DFFA: variants seen among roughly 807,000 people sequenced by gnomAD.
DFFA encodes DFF45.
In DFFA, 14 loss-of-function variants were observed where a neutral mutation model predicts 28.0. The ratio of observed to expected loss-of-function variants is 0.50; its 90% CI spans 0.33 to 0.78. The LOEUF (loss-of-function observed/expected upper bound fraction) is 0.78. DFFA is among the 30% of genes least tolerant of loss of function. The pLI, the probability that DFFA is intolerant of heterozygous loss-of-function variation, is 0.02. For synonymous variants in DFFA, 158 were observed against 170.3 expected (o/e 0.93, Z 0.56); for missense variants, 395 against 407.1 (o/e 0.97, Z 0.26).
chr1:10,462,390 C>G, intron 5 of DFFA: 1 of 984,588 alleles, frequency 1.0e-6, no homozygotes, highest in Non-Finnish European at 1.2e-6. Flanking sequence ...CCTCGGCCTC[C>G]CAAAGTACTG....
intron 1 of DFFA, among the ~76,000 whole-genome samples, chr1:10,469,902 C>G (rs984898553): frequency 6.6e-6 from 1 of 150,974 alleles, no homozygotes; most frequent in Non-Finnish European, 1.5e-5. Flanking sequence ...CAGCAACCTC[C>G]GCCTCCCGGG....
rs905582800 is a variant in DFFA, at chr1:10,472,076, G to A, written c.136+247C>T. 1.3e-5 allele frequency among the ~76,000 whole-genome samples: 2 copies of A among 152,118 alleles called. No homozygotes were observed. The highest frequency in any genetic ancestry group is 4.1e-4 in the South Asian group (2 of 4,832). On this transcript the variant is annotated intron_variant, in intron 1 of 5. Coordinates refer to ENST00000377038, the MANE Select transcript of DFFA (RefSeq NM_004401.3). This position sits in a 1 kb window ranked among gnomAD's most constrained non-coding sequence, Gnocchi z 5.0. ...ATTTCAGGCAAGAGACCTAAGCCGAGTCTGGCTTAATTTGCACATTGCTTC... is the reference window on the plus strand; with the variant it reads ...ATTTCAGGCAAGAGACCTAAGCCGAATCTGGCTTAATTTGCACATTGCTTC...
rs1640905768 is a variant in DFFA at position 10,460,095 on chromosome 1, A to AT, written c.*1394dup. The AT allele has an allele frequency of 6.6e-6, 1 of 151,550 alleles. No homozygotes were observed. The highest frequency in any genetic ancestry group is 6.6e-5 in the Admixed American group (1 of 15,198). 9.4% of individuals were successfully genotyped at this position (151,550 alleles called of 1,614,324 possible). On this transcript the variant is annotated 3_prime_UTR_variant, in exon 6 of 6. Coordinates refer to ENST00000377038, the MANE Select transcript of DFFA (RefSeq NM_004401.3). ...CCCTGTCTCTACTAAAAATACAAAA[A>AT]TTAGCCGGGCATGGTGGCACGTGCC... is the stretch of plus-strand genomic sequence containing the variant.
chr1:10,470,422 CTTTTTT>C (rs59658414), intron 1 of DFFA, among the ~76,000 whole-genome samples: 3 of 107,300 alleles, frequency 2.8e-5, no homozygotes, highest in Non-Finnish European at 3.8e-5. Context: ...CAGTTTTCCT[CTTTTTT>C]TTTTTTTTTT....
At position 10,472,244 on chromosome 1, in the gene DFFA, C is replaced by A; in HGVS notation, c.136+79G>T. 1 of 1,492,630 alleles carries A rather than the reference C, an allele frequency of 6.7e-7. No individual in the cohort carries two copies. The highest frequency in any genetic ancestry group is 9.0e-7 in the Non-Finnish European group (1 of 1,116,726). The allele number at this position is 1,492,630 out of a possible 1,614,324, so 92.5% of individuals were successfully genotyped here. ...TACAAGAATCCCCAAGTCGCCTCTC[C>A]TGACCCCGCCTCGCCCCCGCCGGAC... On this transcript the variant is annotated intron_variant, in intron 1 of 5. Coordinates refer to ENST00000377038, the MANE Select transcript of DFFA (RefSeq NM_004401.3). This position sits in a 1 kb window ranked among gnomAD's most constrained non-coding sequence, Gnocchi z 5.0.
rs756698486 is a variant in DFFA, at chr1:10,461,529, G to A, written c.957C>T (p.Asp319=). The A allele has an allele frequency of 3.1e-6, 5 of 1,613,938 alleles. No individual in the cohort carries two copies. In the Admixed American group the frequency reaches 6.7e-5, roughly 22 times the overall value. ...GTCTGGCTCGCTTAGGATTCTGCAGGTCACCAGGTGGTGAGGCCTTGCTTG... is the reference window on the plus strand; with the variant it reads ...GTCTGGCTCGCTTAGGATTCTGCAGATCACCAGGTGGTGAGGCCTTGCTTG... The part of the protein sequence containing the change: ...ISASKASPPG[D]LQNPKRARQD... Residue 319 remains aspartate (D), a synonymous_variant, in exon 6 of 6, where the codon GAC becomes GAT. Coordinates refer to ENST00000377038, the MANE Select transcript of DFFA (RefSeq NM_004401.3).
chr1:10,461,300 G>A lies in DFFA; in HGVS notation c.*190C>T. ...GCAGCTATATCATTCAAAATTGGCA[G>A]AAGTCCTGAAGCTGGTGGGGCTAAA... On this transcript the variant is annotated 3_prime_UTR_variant, in exon 6 of 6. Transcript: ENST00000377038. 1 of 795,854 alleles carries A rather than the reference G, an allele frequency of 1.3e-6. No individual in the cohort carries two copies. The highest frequency in any genetic ancestry group is 2.7e-5 in the East Asian group (1 of 36,370). 49.3% of individuals were successfully genotyped at this position (795,854 alleles called of 1,614,324 possible).
At chr1:10,467,138 C>T (rs779973233) in intron 3 of DFFA, 52 bp downstream of exon 3, 14 of 1,604,864 alleles carry the variant, frequency 8.7e-6, no homozygotes, top group Admixed American at 5.0e-5. Context: ...GGTGCTGGGG[C>T]GGGGGGCAGA....
At chr1:10,462,596 C>A in intron 5 of DFFA, 1 of 1,004,198 alleles carries the variant, frequency 1.0e-6, no homozygotes, top group Non-Finnish European at 1.2e-6. Context: ...GGGACAAGGA[C>A]AATGAATCAG....
At chr1:10,471,511 T>A (rs1211254550) in intron 1 of DFFA, among the ~76,000 whole-genome samples, 2 of 152,186 alleles carry the variant, frequency 1.3e-5, no homozygotes, top group African/African-American at 4.8e-5. Context: ...GCTTTGGCTG[T>A]TCATGGGTCT....
intron 2 of DFFA, among the ~76,000 whole-genome samples, chr1:10,467,956 A>G (rs181137931): frequency 2.4e-4 from 36 of 152,190 alleles, no homozygotes; most frequent in Non-Finnish European, 4.0e-4. Context: ...CCTGTTTTTT[A>G]TACGAAAACG....
rs776863082 is a variant in DFFA, at chr1:10,461,711, AG to A, written c.784-10del. On this transcript the variant is annotated splice_polypyrimidine_tract_variant and intron_variant, in intron 5 of 5. Coordinates refer to ENST00000377038, the MANE Select transcript of DFFA (RefSeq NM_004401.3). ...TCTTCCTTGGTAACCAACTGCAGCA[AG>A]AATAAAAACCCCTGAGAACTGGGCC... 4 of 1,614,014 alleles carry A rather than the reference AG, an allele frequency of 2.5e-6. No homozygotes were observed. The South Asian group carries it at 4.4e-5, about 18-fold the overall frequency.
Position 10,460,199 on chromosome 1 carries a change from T to A in DFFA, c.*1291A>T, listed in dbSNP as rs1002168293. ...GGTGGGGGTTGCAGTGAGCCGAGAA[T>A]GTGCCACTGCACTCCAGACTAGGTG... On this transcript the variant is annotated 3_prime_UTR_variant, in exon 6 of 6. Transcript: ENST00000377038. 1 of 151,196 alleles carries A rather than the reference T, an allele frequency of 6.6e-6. No individual in the cohort carries two copies. Among genetic ancestry groups the A allele is most frequent in the East Asian group, 2.0e-4 (1 of 4,942 alleles). The allele number at this position is 151,196 out of a possible 1,614,324, so 9.4% of individuals were successfully genotyped here.
chr1:10,461,361 G>GA lies in DFFA; in HGVS notation c.*128dup. ...GTGGAACGGCGTATGTTGAGACCTG[G>GA]AATAGCTTCTCTGGAAGGTGCTCTA... On this transcript the variant is annotated 3_prime_UTR_variant, in exon 6 of 6. Coordinates refer to ENST00000377038, the MANE Select transcript of DFFA (RefSeq NM_004401.3). 7.0e-7 allele frequency: 1 copy of GA among 1,428,738 alleles called. No individual in the cohort carries two copies. The highest frequency in any genetic ancestry group is 9.2e-7 in the Non-Finnish European group (1 of 1,086,164). 88.5% of individuals were successfully genotyped at this position (1,428,738 alleles called of 1,614,324 possible).
In DFFA at chr1:10,472,365, G is replaced by A. The variant is rs745906249; in HGVS notation, c.94C>T (p.His32Tyr). The change falls in exon 1 of 6, where the codon CAC (histidine) becomes TAC (tyrosine). Residue 32 changes from histidine (H) to tyrosine (Y), a missense_variant. Coordinates refer to ENST00000377038, the MANE Select transcript of DFFA (RefSeq NM_004401.3). This position sits in a 1 kb window ranked among gnomAD's most constrained non-coding sequence, Gnocchi z 5.0. The stretch of plus-strand genomic sequence containing the variant: ...TCGAGGCAGGAGGCGGCCACGCCGT[G>A]CTGTTCGCGGCTGTAGTTGCGGCGC... ...LLRRNYSREQ[H>Y]GVAASCLEDL... The A allele has an allele frequency of 2.1e-5, 34 of 1,610,688 alleles. No homozygotes were observed. Among genetic ancestry groups the A allele is most frequent in the Admixed American group, 5.0e-5 (3 of 59,728 alleles).
chr1:10,471,942 G>A (rs1641104053), intron 1 of DFFA, among the ~76,000 whole-genome samples: 1 of 152,126 alleles, frequency 6.6e-6, no homozygotes, highest in South Asian at 2.1e-4. Flanking sequence ...AGCGGACGGT[G>A]GAAACCCCTC....
rs374995148 is a variant in DFFA at position 10,470,348 on chromosome 1, A to G, written c.137-1010T>C. On this transcript the variant is annotated intron_variant, in intron 1 of 5. Transcript: ENST00000377038. The stretch of plus-strand genomic sequence containing the variant: ...TGGTAGGCATTTGAGTTTTTACTGG[A>G]GTGAACAACCAATCAAAGTCTAGTT... Among the ~76,000 whole-genome samples, 8 of 151,674 alleles carry G rather than the reference A, an allele frequency of 5.3e-5. No individual in the cohort carries two copies. In the East Asian group the frequency reaches 1.6e-3, roughly 30 times the overall value.
chr1:10,464,469 C>T (rs1424752948), intron 3 of DFFA, among the ~76,000 whole-genome samples: 1 of 152,158 alleles, frequency 6.6e-6, no homozygotes. Flanking sequence ...AATCCCAGCA[C>T]TCTGGGAGGC....
intron 3 of DFFA, 142 bp downstream of exon 3, chr1:10,467,048 A>G (rs1383600136): frequency 4.6e-5 from 47 of 1,023,004 alleles, no homozygotes; most frequent in Non-Finnish European, 5.9e-5. Flanking sequence ...AAGATGAAAA[A>G]TCTTAGTTGT....
Sources: allele counts gnomAD v4.1 joint callset (sites outside exome capture counted in the v4.1 genomes callset), GRCh38; gene constraint gnomAD v4.1.1; non-coding constraint Gnocchi (gnomAD v3.1); transcripts MANE v1.5; gene names NCBI Gene and HGNC (gene_info 2026-07-23, HGNC 2026-07-21).